EEF2K: variants seen among roughly 807,000 people sequenced by gnomAD.
EEF2K encodes alternative protein EEF2K.
Under a neutral mutation model 93.8 loss-of-function variants are expected in EEF2K, and 70 were observed. The ratio of observed to expected loss-of-function variants is 0.75; its 90% CI spans 0.62 to 0.91. EEF2K has a LOEUF of 0.91. Ranked by LOEUF, EEF2K falls within the 40% of genes least tolerant of loss-of-function variation. The pLI is 0.00. For synonymous variants in EEF2K, 376 were observed against 380.8 expected, an observed-to-expected ratio of 0.99 and a Z score of 0.15; for missense variants, 935 against 972.9, an observed-to-expected ratio of 0.96 and a Z score of 0.52.
Position 22,256,762 on chromosome 16 carries a change from G to A in EEF2K, c.633G>A (p.Gln211=), listed in dbSNP as rs779375595. 3.1e-6 allele frequency: 5 copies of A among 1,614,022 alleles called. No homozygotes were observed. In the South Asian group the frequency reaches 5.5e-5, roughly 18 times the overall value. The part of the protein sequence containing the change: ...HKPPKQVDIM[Q]MCIIELKDRP... The stretch of plus-strand genomic sequence containing the variant: ...CATCCCACCAGGTGGACATCATGCA[G>A]ATGTGCATCATCGAGCTGAAGGACA... The change falls in exon 7 of 18, where the codon CAG becomes CAA. Residue 211 remains glutamine (Q), a synonymous_variant. Coordinates refer to ENST00000263026, the MANE Select transcript of EEF2K (RefSeq NM_013302.5).
intron 17 of EEF2K, among the ~76,000 whole-genome samples, chr16:22,283,308 C>CAAAAA (rs10540234): frequency 6.2e-4 from 47 of 75,780 alleles, no homozygotes; most frequent in East Asian, 1.6e-3. Context: ...GACTCCATCT[C>CAAAAA]AAAAAAAAAA....
intron 1 of EEF2K, among the ~76,000 whole-genome samples, chr16:22,223,938 G>A (rs1390978803): frequency 2.0e-5 from 3 of 152,174 alleles, no homozygotes; most frequent in African/African-American, 7.2e-5. Flanking sequence ...CAGGCGTGGT[G>A]GCTCACATCT....
In EEF2K at chr16:22,257,743, T is replaced by C; in HGVS notation, c.1002T>C (p.Asp334=). 6.2e-7 allele frequency: 1 copy of C among 1,613,952 alleles called. No individual in the cohort carries two copies. The highest frequency in any genetic ancestry group is 8.5e-7 in the Non-Finnish European group (1 of 1,180,036). Residue 334 remains aspartate, a synonymous_variant, in exon 9 of 18, where the codon GAT becomes GAC. Coordinates refer to ENST00000263026, the MANE Select transcript of EEF2K (RefSeq NM_013302.5). ...APFDLSPRER[D]AVNQNTKLLQ... Reference sequence around the variant, plus strand: ...TTGACCTCTCGCCCCGGGAGAGGGATGCAGTGAATCAGAACACCAAGCTGC... The same window carrying C: ...TTGACCTCTCGCCCCGGGAGAGGGACGCAGTGAATCAGAACACCAAGCTGC...
chr16:22,221,312 CTCTG>C (rs1408791703), intron 1 of EEF2K, among the ~76,000 whole-genome samples: 3 of 152,098 alleles, frequency 2.0e-5, no homozygotes, highest in Admixed American at 6.6e-5. Flanking sequence ...CATAGTGAGA[CTCTG>C]TCTGTACAAA....
At position 22,225,847 on chromosome 16, in the gene EEF2K, T is replaced by C; in HGVS notation, c.118T>C (p.Cys40Arg). Residue 40 changes from cysteine to arginine, a missense_variant, in exon 2 of 18, where the codon TGC becomes CGC. Transcript: ENST00000263026. ...DSDDEEGYFI[C>R]PITDDPSSNQ... ...CGACGATGAGGAAGGTTACTTCATC[T>C]GCCCCATCACGGATGACCCAAGCTC... 6.2e-7 allele frequency: 1 copy of C among 1,614,232 alleles called. No homozygotes were observed.
chr16:22,283,308 CAAAA>C (rs10540234), intron 17 of EEF2K, among the ~76,000 whole-genome samples: 21 of 75,850 alleles, frequency 2.8e-4, no homozygotes, highest in Admixed American at 1.6e-3. Flanking sequence ...GACTCCATCT[CAAAA>C]AAAAAAAAAA....
At chr16:22,252,574 G>A (rs1304305639) in intron 6 of EEF2K, among the ~76,000 whole-genome samples, 1 of 152,178 alleles carries the variant, frequency 6.6e-6, no homozygotes, top group Non-Finnish European at 1.5e-5. Context: ...TGCCCTTAGA[G>A]CTAGGAATGT....
intron 6 of EEF2K, among the ~76,000 whole-genome samples, chr16:22,252,808 A>T (rs1318406366): frequency 6.6e-6 from 1 of 152,286 alleles, no homozygotes; most frequent in African/African-American, 2.4e-5. Context: ...GGCACATCTT[A>T]CCTGGTGGCA....
At position 22,264,816 on chromosome 16, in the gene EEF2K, A is replaced by G. The variant is rs769052136; in HGVS notation, c.1378-2A>G. 24 of 1,613,834 alleles carry G rather than the reference A, an allele frequency of 1.5e-5. No homozygotes were observed. Among genetic ancestry groups the G allele is most frequent in the South Asian group, 7.7e-5 (7 of 91,084 alleles). Reference sequence around the variant, plus strand: ...ATCAGTGTAATTTCTTCCTCCGTTCAGGGCCACTCATACAGTAATCGGAAG... The same window carrying G: ...ATCAGTGTAATTTCTTCCTCCGTTCGGGGCCACTCATACAGTAATCGGAAG... On this transcript the variant is annotated splice_acceptor_variant, in intron 12 of 17. Coordinates refer to ENST00000263026, the MANE Select transcript of EEF2K (RefSeq NM_013302.5). LOFTEE classifies it high-confidence loss of function.
intron 1 of EEF2K, among the ~76,000 whole-genome samples, chr16:22,208,827 C>T (rs1455704459): frequency 1.3e-5 from 2 of 152,156 alleles, no homozygotes; most frequent in Admixed American, 6.5e-5. Flanking sequence ...CCCATGTTCT[C>T]GTCCTCCTGG....
At chr16:22,276,156 G>A (rs1293890736) in intron 16 of EEF2K, among the ~76,000 whole-genome samples, 1 of 151,776 alleles carries the variant, frequency 6.6e-6, no homozygotes, top group African/African-American at 2.4e-5. Context: ...ATGATGCCCA[G>A]GCTGGTCTCA....
At chr16:22,257,519 A>ATGCC in intron 8 of EEF2K, 124 bp from the exon 9 acceptor site, 1 of 1,545,806 alleles carries the variant, frequency 6.5e-7, no homozygotes, top group Non-Finnish European at 8.7e-7. Flanking sequence ...GGGAGCCTGG[A>ATGCC]TGTCTGATGC....
Position 22,256,774 on chromosome 16 carries a change from C to T in EEF2K, c.645C>T (p.Ile215=), listed in dbSNP as rs780591039. 1.1e-5 allele frequency: 18 copies of T among 1,613,892 alleles called. 1 individual carries two copies. The highest frequency in any genetic ancestry group is 6.6e-5 in the South Asian group (6 of 91,062). ...KQVDIMQMCI[I]ELKDRPGKPL... Reference sequence around the variant, plus strand: ...TGGACATCATGCAGATGTGCATCATCGAGCTGAAGGACAGACCGGGCAAGC... The same window carrying T: ...TGGACATCATGCAGATGTGCATCATTGAGCTGAAGGACAGACCGGGCAAGC... The change falls in exon 7 of 18, where the codon ATC becomes ATT. Residue 215 remains isoleucine, a synonymous_variant. Coordinates refer to ENST00000263026, the MANE Select transcript of EEF2K (RefSeq NM_013302.5).
intron 3 of EEF2K, among the ~76,000 whole-genome samples, chr16:22,246,662 G>T (rs913601505): frequency 1.3e-5 from 2 of 151,768 alleles, no homozygotes; most frequent in Non-Finnish European, 2.9e-5. Flanking sequence ...ATACCCCAAA[G>T]TGAAGGCTTC....
chr16:22,224,249 G>A (rs891091608), intron 1 of EEF2K, among the ~76,000 whole-genome samples: 2 of 152,120 alleles, frequency 1.3e-5, no homozygotes, highest in Non-Finnish European at 2.9e-5. Flanking sequence ...TTCATTCTGG[G>A]AAAGTGCATT....
At chr16:22,216,595 A>G (rs891504032) in intron 1 of EEF2K, among the ~76,000 whole-genome samples, 3 of 152,178 alleles carry the variant, frequency 2.0e-5, no homozygotes, top group African/African-American at 7.2e-5. Flanking sequence ...TTGGCATGGT[A>G]TGTAAAGGAA....
intron 2 of EEF2K, among the ~76,000 whole-genome samples, chr16:22,226,194 C>A (rs935525123): frequency 2.0e-5 from 3 of 152,146 alleles, no homozygotes; most frequent in African/African-American, 4.8e-5. Context: ...TAGCCCAGGA[C>A]ACACTACGGA....
chr16:22,211,716 G>T (rs1237854200), intron 1 of EEF2K, among the ~76,000 whole-genome samples: 3 of 152,096 alleles, frequency 2.0e-5, no homozygotes, highest in Admixed American at 1.3e-4. Context: ...GCCTGCCTCG[G>T]TCTCCCAAAG....
In EEF2K at chr16:22,283,867, C is replaced by A; in HGVS notation, c.2069-20C>A. ...CAACAGGTGGTTCACCTCTTTTTGC[C>A]CCCCTTTGCTGTCTTTCAGGGGACT... On this transcript the variant is annotated intron_variant, in intron 17 of 17. Transcript: ENST00000263026. The A allele has an allele frequency of 6.4e-7, 1 of 1,565,842 alleles. No individual in the cohort carries two copies. Among genetic ancestry groups the A allele is most frequent in the Non-Finnish European group, 8.7e-7 (1 of 1,155,254 alleles).
Sources: gnomAD v4.1 joint callset for allele counts (sites outside exome capture counted in the v4.1 genomes callset) on GRCh38, gnomAD v4.1.1 for gene constraint, MANE v1.5 for transcripts, NCBI Gene and HGNC (gene_info 2026-07-23, HGNC 2026-07-21) for gene names.